TENM3: variants seen among roughly 807,000 people sequenced by gnomAD.
The protein encoded by TENM3 is teneurin transmembrane protein 3.
TENM3 carries 63 observed loss-of-function variants against 255.1 expected under a neutral mutation model. That is an observed-to-expected ratio of 0.25 (90% CI 0.20 to 0.30). The LOEUF is 0.30. TENM3 is among the 10% of genes least tolerant of loss of function. The pLI, the probability that TENM3 is intolerant of heterozygous loss-of-function variation, is 1.00. For synonymous variants in TENM3, 1,306 were observed against 1,322.3 expected (o/e 0.99, Z 0.27); for missense variants, 2,929 against 3,461.1 (o/e 0.85, Z 3.86).
In TENM3 at chr4:182,582,069, TATGC is replaced by T. The variant is rs529311081; in HGVS notation, c.512-18853_512-18850del. ...TTTTCATCTCTGTTCCCCTATTTAA[TATGC>T]AGTGTAGTTTCCCTGTAACGGAAGA... On this transcript the variant is annotated intron_variant, in intron 3 of 27. Coordinates refer to ENST00000511685, the MANE Select transcript of TENM3 (RefSeq NM_001080477.4). 2.0e-3 allele frequency among the ~76,000 whole-genome samples: 310 copies of T among 152,328 alleles called. 1 individual carries two copies. The highest frequency in any genetic ancestry group is 7.2e-3 in the African/African-American group (301 of 41,578).
At chr4:181,871,026 T>C in the TENM3 span, among the ~76,000 whole-genome samples, 1 of 152,104 alleles carries the variant, frequency 6.6e-6, no homozygotes, top group Non-Finnish European at 1.5e-5. Context: ...AAAAATCACT[T>C]CTTTTCAAAT....
At chr4:181,913,428 G>A in the TENM3 span, among the ~76,000 whole-genome samples, 12 of 152,142 alleles carry the variant, frequency 7.9e-5, no homozygotes, top group Admixed American at 2.6e-4. Context: ...GAGCAATGGC[G>A]AGAGCACACC....
At chr4:182,757,311 C>CAAAAAAAA (rs10571604) in intron 22 of TENM3, among the ~76,000 whole-genome samples, 1 of 53,606 alleles carries the variant, frequency 1.9e-5, no homozygotes, top group Non-Finnish European at 3.3e-5. Context: ...GACTCCGTCT[C>CAAAAAAAA]AAAAAAAAAA....
the TENM3 span, among the ~76,000 whole-genome samples, chr4:182,071,767 A>C: frequency 6.6e-6 from 1 of 152,200 alleles, no homozygotes; most frequent in Admixed American, 6.5e-5. Context: ...AATGTACAAT[A>C]GATTAATGTC....
At chr4:181,450,206 C>T in the TENM3 span, among the ~76,000 whole-genome samples, 4 of 151,962 alleles carry the variant, frequency 2.6e-5, no homozygotes, top group African/African-American at 7.3e-5. Flanking sequence ...ATGATTTCGC[C>T]GTAGCAACAT....
chr4:181,639,607 G>T, the TENM3 span, among the ~76,000 whole-genome samples: 1 of 152,188 alleles, frequency 6.6e-6, no homozygotes, highest in Non-Finnish European at 1.5e-5. Flanking sequence ...AGGCATGGTG[G>T]CAGGCCCCTG....
intron 3 of TENM3, among the ~76,000 whole-genome samples, chr4:182,456,758 TA>T (rs149831862): frequency 3.7e-3 from 569 of 152,326 alleles, no homozygotes; most frequent in African/African-American, 0.013. Flanking sequence ...AGAAGATTAA[TA>T]GGTGAGGAAT....
the TENM3 span, among the ~76,000 whole-genome samples, chr4:181,731,114 C>T: frequency 2.6e-5 from 4 of 152,128 alleles, no homozygotes; most frequent in African/African-American, 7.2e-5. Context: ...ATTCTTTACT[C>T]AGATTATGTC....
the TENM3 span, among the ~76,000 whole-genome samples, chr4:181,567,191 C>CT: frequency 6.6e-6 from 1 of 152,182 alleles, no homozygotes; most frequent in Non-Finnish European, 1.5e-5. Context: ...ACCTAAAAGC[C>CT]TATCTCTTCA....
chr4:182,684,957 C>G (rs546869361), intron 11 of TENM3, among the ~76,000 whole-genome samples: 1 of 152,114 alleles, frequency 6.6e-6, no homozygotes, highest in Admixed American at 6.5e-5. Flanking sequence ...TTTTGAGAAG[C>G]TTGGGTGACA....
chr4:182,407,279 G>A (rs1580437944), intron 3 of TENM3, among the ~76,000 whole-genome samples: 1 of 152,150 alleles, frequency 6.6e-6, no homozygotes, highest in Non-Finnish European at 1.5e-5. Flanking sequence ...TTACTTCTAG[G>A]TTGCATCTTA....
chr4:181,665,933 A>T, the TENM3 span, among the ~76,000 whole-genome samples: 216 of 152,154 alleles, frequency 1.4e-3, 2 homozygotes, highest in Non-Finnish European at 2.8e-4. Flanking sequence ...TTGACTTTTT[A>T]AAAAAAACTT....
chr4:181,829,054 C>T, the TENM3 span, among the ~76,000 whole-genome samples: 1 of 152,212 alleles, frequency 6.6e-6, no homozygotes, highest in Non-Finnish European at 1.5e-5. Context: ...ATCTCACAGA[C>T]ATAGGGGAGA....
the TENM3 span, among the ~76,000 whole-genome samples, chr4:181,823,076 C>T: frequency 6.6e-6 from 1 of 152,096 alleles, no homozygotes; most frequent in Non-Finnish European, 1.5e-5. Context: ...TTGTTTCTTG[C>T]AGGTGATATT....
the TENM3 span, among the ~76,000 whole-genome samples, chr4:182,033,985 C>A: frequency 6.6e-6 from 1 of 152,006 alleles, no homozygotes; most frequent in Non-Finnish European, 1.5e-5. Context: ...AAAGACACAC[C>A]CCAGACTGGG....
the TENM3 span, among the ~76,000 whole-genome samples, chr4:181,612,015 G>C: frequency 6.6e-6 from 1 of 152,254 alleles, no homozygotes; most frequent in Admixed American, 6.5e-5. Context: ...AAAAGTTAAT[G>C]GTAAGTGTGG....
At chr4:181,786,697 C>CT in the TENM3 span, among the ~76,000 whole-genome samples, 160 of 144,882 alleles carry the variant, frequency 1.1e-3, no homozygotes, top group South Asian at 8.9e-3. Context: ...AAGACAATCA[C>CT]TTTTTTTTTT....
intron 18 of TENM3, 35 bp downstream of exon 18, chr4:182,738,579 T>G: frequency 6.4e-7 from 1 of 1,550,392 alleles, no homozygotes; most frequent in Non-Finnish European, 8.7e-7. Context: ...GATGTTGTAA[T>G]GTATTGTTCA....
chr4:182,180,765 G>A (rs1466674989), intron 1 of TENM3, among the ~76,000 whole-genome samples: 10 of 151,216 alleles, frequency 6.6e-5, no homozygotes. Context: ...CATAAGCTAT[G>A]GCTCCTGGCC....
Sources: gnomAD v4.1 joint callset for allele counts (sites outside exome capture counted in the v4.1 genomes callset) on GRCh38, gnomAD v4.1.1 for gene constraint, MANE v1.5 for transcripts, NCBI Gene and HGNC (gene_info 2026-07-23, HGNC 2026-07-21) for gene names.